ANGPT2: variants seen among roughly 807,000 people sequenced by gnomAD.
The protein encoded by ANGPT2 is angiopoietin 2.
A neutral mutation model predicts 62.9 loss-of-function variants in ANGPT2; 28 were observed. The ratio of observed to expected loss-of-function variants is 0.44; its 90% CI spans 0.33 to 0.61. The LOEUF is 0.61. Among genes scored for constraint, ANGPT2 ranks in the 20% least tolerant of loss-of-function variants. The probability of loss-of-function intolerance (pLI) is 0.03; values close to 1 mark genes in which losing one functional copy is unlikely to be tolerated. For missense variants in ANGPT2, 727 were observed against 594.9 expected, an observed-to-expected ratio of 1.22 and a Z score of -2.31; for synonymous variants, 284 against 207.8, an observed-to-expected ratio of 1.37 and a Z score of -3.15.
rs779797623 is a variant in ANGPT2 at position 6,521,277 on chromosome 8, T to A, written c.700A>T (p.Ile234Leu). ...GAATTATTCACCGTGGCAGTCACTA[T>A]TTTTTTTTCTAGTTCTTCAATGATG... ...NSIIEELEKK[I>L]VTATVNNSVL... Residue 234 changes from isoleucine to leucine, a missense_variant, in exon 4 of 9, where the codon ATA becomes TTA. Ile to Leu is a conservative substitution (Grantham distance 5). Transcript: ENST00000629816. 1.0e-5 allele frequency: 16 copies of A among 1,579,620 alleles called. No homozygotes were observed. The highest frequency in any genetic ancestry group is 6.1e-6 in the Non-Finnish European group (7 of 1,154,724).
chr8:6,551,733 T>G (rs894034233), intron 1 of ANGPT2, among the ~76,000 whole-genome samples: 1 of 152,202 alleles, frequency 6.6e-6, no homozygotes, highest in Non-Finnish European at 1.5e-5. Flanking sequence ...TAGTTAAAAA[T>G]AGTAAGGAAT....
chr8:6,531,887 G>A (rs1317096024), intron 2 of ANGPT2, among the ~76,000 whole-genome samples: 1 of 152,186 alleles, frequency 6.6e-6, no homozygotes, highest in Non-Finnish European at 1.5e-5. Context: ...TGTGTTAGCT[G>A]TTGAGATTCA....
chr8:6,500,196 GA>G lies in ANGPT2; in HGVS notation c.*2904del. On this transcript the variant is annotated 3_prime_UTR_variant, in exon 9 of 9. Coordinates refer to ENST00000629816, the MANE Select transcript of ANGPT2 (RefSeq NM_001118887.2). ...CCTCAGAACTGAGAAAAACAAAAAT[GA>G]AAAAAGACTGAATTCTTGGGCAGGT... 2.2e-6 allele frequency: 1 copy of G among 448,116 alleles called. No homozygotes were observed. Among genetic ancestry groups the G allele is most frequent in the Admixed American group, 3.5e-5 (1 of 28,536 alleles). 27.8% of individuals were successfully genotyped at this position (448,116 alleles called of 1,614,324 possible).
intron 3 of ANGPT2, among the ~76,000 whole-genome samples, chr8:6,522,698 C>G (rs371571240): frequency 2.6e-5 from 4 of 151,154 alleles, no homozygotes; most frequent in Non-Finnish European, 5.9e-5. Context: ...TGCTTGAACC[C>G]GGGAGGTGGA....
chr8:6,535,927 C>A (rs1010693135), intron 1 of ANGPT2, among the ~76,000 whole-genome samples: 1 of 151,110 alleles, frequency 6.6e-6, no homozygotes, highest in Non-Finnish European at 1.5e-5. Context: ...CCTGGTAGTG[C>A]GAGCCTGTAG....
rs1167534900 is a variant in ANGPT2 at position 6,563,170 on chromosome 8, G to A, written c.-236C>T. The A allele has an allele frequency of 2.6e-6, 1 of 383,754 alleles. No individual in the cohort carries two copies. The highest frequency in any genetic ancestry group is 2.0e-5 in the African/African-American group (1 of 50,272). The allele number at this position is 383,754 out of a possible 1,614,324, so 23.8% of individuals were successfully genotyped here. A position where few individuals can be genotyped will look rare whatever the true frequency, so the allele number is the denominator to read the frequency against. The stretch of plus-strand genomic sequence containing the variant: ...TGGGAAGAACAGTCCTGCTCACTTG[G>A]GAGGGCTGTGTCAGCTTTTACAGAG... On this transcript the variant is annotated 5_prime_UTR_variant, in exon 1 of 9. Transcript: ENST00000629816.
chr8:6,537,871 G>T (rs1820787293), intron 1 of ANGPT2, among the ~76,000 whole-genome samples: 1 of 152,058 alleles, frequency 6.6e-6, no homozygotes, highest in Non-Finnish European at 1.5e-5. Context: ...TGTAGATGCT[G>T]GTTGAGAGAT....
chr8:6,519,271 C>G (rs1252575912), intron 5 of ANGPT2, among the ~76,000 whole-genome samples: 1 of 152,124 alleles, frequency 6.6e-6, no homozygotes, highest in Non-Finnish European at 1.5e-5. Context: ...TTTCACGATG[C>G]TAAGACACCA....
At chr8:6,520,097 T>A in intron 4 of ANGPT2, 106 bp from the exon 5 acceptor site, 1 of 1,332,458 alleles carries the variant, frequency 7.5e-7, no homozygotes, top group Non-Finnish European at 1.0e-6. Context: ...TTGGAATTCT[T>A]AAGTAAGCAA....
chr8:6,550,158 A>G (rs1241837286), intron 1 of ANGPT2, among the ~76,000 whole-genome samples: 1 of 152,328 alleles, frequency 6.6e-6, no homozygotes, highest in African/African-American at 2.4e-5. Flanking sequence ...CCTTCCCCGC[A>G]CAACCTGGAA....
chr8:6,510,225 T>C (rs927246221), intron 7 of ANGPT2, among the ~76,000 whole-genome samples: 1 of 151,846 alleles, frequency 6.6e-6, no homozygotes, highest in African/African-American at 2.4e-5. Flanking sequence ...TCTTGGCAGA[T>C]GGTTCAGGAC....
chr8:6,527,111 A>G (rs558485234), intron 3 of ANGPT2, among the ~76,000 whole-genome samples: 16 of 152,338 alleles, frequency 1.1e-4, no homozygotes, highest in African/African-American at 3.4e-4. Context: ...TAATACTGAA[A>G]TAAAATGCCT....
chr8:6,520,382 T>G (rs915934322), intron 4 of ANGPT2, among the ~76,000 whole-genome samples: 1 of 152,194 alleles, frequency 6.6e-6, no homozygotes, highest in African/African-American at 2.4e-5. Context: ...CCCTAAACAC[T>G]GTTATCTGTA....
Position 6,528,680 on chromosome 8 carries a change from C to T in ANGPT2, c.445-1004G>A, listed in dbSNP as rs78177277. On this transcript the variant is annotated intron_variant, in intron 2 of 8. Coordinates refer to ENST00000629816, the MANE Select transcript of ANGPT2 (RefSeq NM_001118887.2). ...CTGGTTGCCCTTCAGCAGGAAGAAT[C>T]GACTACTCACTTCCTCCATGTCATG... Among the ~76,000 whole-genome samples, 278 of 152,366 alleles carry T rather than the reference C, an allele frequency of 1.8e-3. 8 individuals are homozygous for T. The South Asian group carries it at 0.031, about 17-fold the overall frequency.
chr8:6,504,635 G>A (rs1224450878), intron 8 of ANGPT2, among the ~76,000 whole-genome samples: 2 of 152,128 alleles, frequency 1.3e-5, no homozygotes, highest in Non-Finnish European at 2.9e-5. Flanking sequence ...TCCTTTAAGT[G>A]AAAAGGTGAA....
intron 8 of ANGPT2, among the ~76,000 whole-genome samples, chr8:6,506,429 C>A (rs2442468): frequency 2.0e-5 from 3 of 151,868 alleles, no homozygotes; most frequent in African/African-American, 4.8e-5. Flanking sequence ...CTTGATTTGC[C>A]TAAGTAAATA....
At chr8:6,556,179 A>G (rs1305153898) in intron 1 of ANGPT2, among the ~76,000 whole-genome samples, 1 of 152,162 alleles carries the variant, frequency 6.6e-6, no homozygotes, top group Non-Finnish European at 1.5e-5. Flanking sequence ...ACAAATTGTT[A>G]AAGAGGTAAT....
At chr8:6,514,822 TC>T (rs544718454) in intron 5 of ANGPT2, 44 bp from the exon 6 acceptor site, 4 of 1,514,836 alleles carry the variant, frequency 2.6e-6, no homozygotes, top group East Asian at 2.3e-5. Context: ...GCCCCCCCAC[TC>T]CCCCCTTACG....
chr8:6,562,785 C>T lies in ANGPT2; in HGVS notation c.150G>A (p.Met50Ile), dbSNP rs1291764540. 1 of 1,613,404 alleles carries T rather than the reference C, an allele frequency of 6.2e-7. No homozygotes were observed. The highest frequency in any genetic ancestry group is 1.1e-5 in the South Asian group (1 of 91,046). The stretch of plus-strand genomic sequence containing the variant: ...GGCTGGAGGAAGAGCGGCAGTTGTC[C>T]ATCTCTGGCAGGAGGAAAGTGTAGC... ...SCSYTFLLPE[M>I]DNCRSSSSPY... Residue 50 changes from methionine to isoleucine, a missense_variant, in exon 1 of 9, where the codon ATG becomes ATA. By Grantham distance (10) the Met-to-Ile change is conservative. Coordinates refer to ENST00000629816, the MANE Select transcript of ANGPT2 (RefSeq NM_001118887.2).
Sources: allele counts gnomAD v4.1 joint callset (sites outside exome capture counted in the v4.1 genomes callset), GRCh38; gene constraint gnomAD v4.1.1; transcripts MANE v1.5; gene names NCBI Gene and HGNC (gene_info 2026-07-23, HGNC 2026-07-21).